Variants in SEPTIN7 observed in about 807,000 individuals in gnomAD.
SEPTIN7 encodes septin-7.
A neutral mutation model predicts 63.3 loss-of-function variants in SEPTIN7; 10 were observed. The ratio of observed to expected loss-of-function variants is 0.16; its 90% confidence interval spans 0.10 to 0.27. The LOEUF is 0.27. Ranked by LOEUF, SEPTIN7 falls within the 10% of genes least tolerant of loss-of-function variation. The probability of loss-of-function intolerance (pLI) is 1.00; values close to 1 mark genes in which losing one functional copy is unlikely to be tolerated. For missense variants in SEPTIN7, 310 were observed against 521.0 expected (o/e 0.59, Z 3.94); for synonymous variants, 131 against 165.3 (o/e 0.79, Z 1.59).
At chr7:35,895,690 G>T (rs1428994176) in intron 11 of SEPTIN7, among the ~76,000 whole-genome samples, 2 of 152,110 alleles carry the variant, frequency 1.3e-5, no homozygotes, top group Non-Finnish European at 2.9e-5. Context: ...GCCTTTAATT[G>T]CAGCTTTTAG....
intron 1 of SEPTIN7, among the ~76,000 whole-genome samples, chr7:35,806,977 A>AT (rs1347233195): frequency 6.6e-6 from 1 of 152,152 alleles, no homozygotes; most frequent in Non-Finnish European, 1.5e-5. Context: ...AATCAAAACT[A>AT]TTTTCCACCA....
At chr7:35,806,960 T>G (rs1176938878) in intron 1 of SEPTIN7, among the ~76,000 whole-genome samples, 1 of 152,236 alleles carries the variant, frequency 6.6e-6, no homozygotes, top group Non-Finnish European at 1.5e-5. Context: ...TTGACTGTTT[T>G]CAGGAAAATC....
At chr7:35,910,020 T>C (rs144692748), downstream of SEPTIN7, among the ~76,000 whole-genome samples, 32 of 152,326 alleles carry the variant, frequency 2.1e-4, no homozygotes, top group East Asian at 5.8e-3. Flanking sequence ...CTGACATCAC[T>C]GGCAAGTTGA....
At chr7:35,826,379 CTA>C (rs1783517174) in intron 1 of SEPTIN7, among the ~76,000 whole-genome samples, 1 of 149,474 alleles carries the variant, frequency 6.7e-6, no homozygotes. Flanking sequence ...AAACAATATG[CTA>C]TATATATGTA....
intron 3 of SEPTIN7, among the ~76,000 whole-genome samples, chr7:35,841,200 G>A (rs1477801077): frequency 6.6e-6 from 1 of 151,956 alleles, no homozygotes; most frequent in Non-Finnish European, 1.5e-5. Context: ...CAGCTTGGGC[G>A]ACAGAGTGAG....
intron 3 of SEPTIN7, among the ~76,000 whole-genome samples, chr7:35,852,358 A>C (rs1785004462): frequency 6.6e-6 from 1 of 152,174 alleles, no homozygotes; most frequent in Non-Finnish European, 1.5e-5. Flanking sequence ...CTTTGCCCCT[A>C]GACTTTTCCA....
intron 4 of SEPTIN7, among the ~76,000 whole-genome samples, chr7:35,871,224 A>G (rs1316105996): frequency 6.6e-6 from 1 of 152,202 alleles, no homozygotes; most frequent in Non-Finnish European, 1.5e-5. Flanking sequence ...TTGGCATCTC[A>G]TTTCTCTAAA....
chr7:35,831,521 AG>A (rs752725269), intron 2 of SEPTIN7, 25 bp downstream of exon 2: 1 of 437,402 alleles, frequency 2.3e-6, no homozygotes, highest in South Asian at 1.7e-5. Flanking sequence ...TAATTTATAG[AG>A]TTTTTTTCAG....
chr7:35,886,384 A>G (rs986040202), intron 10 of SEPTIN7, among the ~76,000 whole-genome samples: 2 of 151,940 alleles, frequency 1.3e-5, no homozygotes, highest in African/African-American at 4.8e-5. Context: ...AGAGAAGGAA[A>G]GCCTATGGGA....
chr7:35,902,055 T>C lies in SEPTIN7; in HGVS notation c.1135-1021T>C, dbSNP rs185236092. 5.3e-5 allele frequency: 8 copies of C among 149,742 alleles called. No individual in the cohort carries two copies. In the Admixed American group the frequency reaches 5.4e-4, roughly 10 times the overall value. The allele number at this position is 149,742 out of a possible 1,614,324, so 9.3% of individuals were successfully genotyped here. On this transcript the variant is annotated intron_variant, in intron 12 of 13. Coordinates refer to ENST00000350320, the MANE Select transcript of SEPTIN7 (RefSeq NM_001788.6). ...TAACATATATAATATGTATATAATA[T>C]ATAATACATATAATAGTTATATATT... is the stretch of plus-strand genomic sequence containing the variant.
intron 1 of SEPTIN7, chr7:35,812,128 CAA>C (rs57121305): frequency 1.9e-3 from 224 of 115,322 alleles, no homozygotes; most frequent in South Asian, 0.01. Flanking sequence ...GTCTCCAAAA[CAA>C]AAAAAAAAAA....
intron 1 of SEPTIN7, among the ~76,000 whole-genome samples, chr7:35,821,300 C>A (rs1322780039): frequency 3.9e-5 from 6 of 152,180 alleles, no homozygotes; most frequent in African/African-American, 1.4e-4. Flanking sequence ...TGTCAGTTTT[C>A]TCCTTGCTTT....
At chr7:35,814,115 T>C (rs1370651839) in intron 1 of SEPTIN7, among the ~76,000 whole-genome samples, 4 of 145,864 alleles carry the variant, frequency 2.7e-5, no homozygotes, top group Non-Finnish European at 4.6e-5. Context: ...GCTGTAATGA[T>C]AGTGGCTCAA....
In SEPTIN7 at chr7:35,890,721, A is replaced by G. The variant is rs1787584050; in HGVS notation, c.926A>G (p.Tyr309Cys). ...DVTNNVHYEN[Y>C]RSRKLAAVTY... ...ACTAATAATGTCCACTATGAGAACT[A>G]CAGAAGCAGAAAACTTGCAGCTGTG... Residue 309 changes from tyrosine to cysteine, a missense_variant, in exon 11 of 14, where the codon TAC becomes TGC. This residue lies in a region of SEPTIN7 where 255 missense variants were observed against 490.5 expected (regional missense o/e 0.52). Coordinates refer to ENST00000350320, the MANE Select transcript of SEPTIN7 (RefSeq NM_001788.6). 4.4e-6 allele frequency: 7 copies of G among 1,601,192 alleles called. No homozygotes were observed. The highest frequency in any genetic ancestry group is 1.3e-5 in the African/African-American group (1 of 74,368).
intron 3 of SEPTIN7, chr7:35,847,092 CT>C: frequency 5.3e-6 from 1 of 188,622 alleles, no homozygotes; most frequent in Non-Finnish European, 1.2e-5. Context: ...TCTCTGCACA[CT>C]TACGGGAGTC....
In SEPTIN7 at chr7:35,825,319, A is replaced by G. The variant is rs577522755; in HGVS notation, c.62-6173A>G. On this transcript the variant is annotated intron_variant, in intron 1 of 13. Coordinates refer to ENST00000350320, the MANE Select transcript of SEPTIN7 (RefSeq NM_001788.6). ...CTTTTGCTTAACTTTCCTAAGCTAT[A>G]GTTCCTTGATCCTAAAAATGAGTTG... 1.8e-3 allele frequency among the ~76,000 whole-genome samples: 267 copies of G among 152,290 alleles called. 1 individual carries two copies. The highest frequency in any genetic ancestry group is 6.1e-3 in the African/African-American group (253 of 41,560).
intron 1 of SEPTIN7, among the ~76,000 whole-genome samples, chr7:35,810,473 G>A (rs528866192): frequency 1.3e-5 from 2 of 151,890 alleles, no homozygotes; most frequent in East Asian, 1.9e-4. Flanking sequence ...ACAGGCGCCC[G>A]CCACCACACC....
chr7:35,898,408 T>C, intron 12 of SEPTIN7, 25 bp downstream of exon 12: 1 of 1,433,610 alleles, frequency 7.0e-7, no homozygotes, highest in Non-Finnish European at 9.5e-7. Flanking sequence ...ATCCCATCTC[T>C]TAGCAGACAT....
intron 9 of SEPTIN7, 26 bp from the exon 10 acceptor site, chr7:35,885,802 A>C (rs777383404): frequency 6.4e-7 from 1 of 1,570,252 alleles, no homozygotes; most frequent in Non-Finnish European, 8.7e-7. Flanking sequence ...GAAATATAAC[A>C]TATGCGGTCT....
Sources: allele counts gnomAD v4.1 joint callset (sites outside exome capture counted in the v4.1 genomes callset), GRCh38; gene constraint gnomAD v4.1.1; regional missense constraint gnomAD v4.1.1; transcripts MANE v1.5; gene names NCBI Gene and HGNC (gene_info 2026-07-23, HGNC 2026-07-21).